Variants in SIGLEC5 observed in about 807,000 individuals in gnomAD.
SIGLEC5 encodes the protein sialic acid binding Ig like lectin 5.
Under a neutral mutation model 45.9 loss-of-function variants are expected in SIGLEC5, and 34 were observed. That is an observed-to-expected ratio of 0.74 (90% CI 0.56 to 0.99). SIGLEC5 has a LOEUF of 0.99. Ranked by LOEUF, SIGLEC5 falls within the 50% of genes least tolerant of loss-of-function variation. SIGLEC5 has a pLI of 0.00. For synonymous variants in SIGLEC5, 203 were observed against 258.6 expected, an observed-to-expected ratio of 0.79 and a Z score of 2.06; for missense variants, 508 against 629.6, an observed-to-expected ratio of 0.81 and a Z score of 2.07.
In SIGLEC5 at chr19:51,612,208, A is replaced by G. The variant is rs200862465; in HGVS notation, c.*23T>C. 3.3e-4 allele frequency: 513 copies of G among 1,560,352 alleles called. 1 individual carries two copies. Among genetic ancestry groups the G allele is most frequent in the South Asian group, 6.5e-4 (55 of 84,720 alleles). On this transcript the variant is annotated 3_prime_UTR_variant, in exon 9 of 9. Coordinates refer to ENST00000683636, the MANE Select transcript of SIGLEC5 (RefSeq NM_003830.4). ...CAGACAGGCTGTGGCTCCTCCAGCC[A>G]GGACTGAACTCTGGGCAAATCCTCA...
At position 51,627,258 on chromosome 19, in the gene SIGLEC5, A is replaced by G; in HGVS notation, c.1283-10T>C. ...CCGAGGTTCGATCTCCCTGCAGAAA[A>G]GAGGGGCGTGCAATAACTCACTCCC... On this transcript the variant is annotated splice_polypyrimidine_tract_variant and intron_variant, in intron 6 of 8. Transcript: ENST00000683636. 6.2e-7 allele frequency: 1 copy of G among 1,612,618 alleles called. No individual in the cohort carries two copies. Among genetic ancestry groups the G allele is most frequent in the Non-Finnish European group, 8.5e-7 (1 of 1,178,758 alleles).
chr19:51,622,373 T>G (rs1330020474), intron 8 of SIGLEC5, among the ~76,000 whole-genome samples: 1 of 150,844 alleles, frequency 6.6e-6, no homozygotes, highest in Non-Finnish European at 1.5e-5. Flanking sequence ...TCTCCTGACC[T>G]CGTGATCCAC....
intron 8 of SIGLEC5, among the ~76,000 whole-genome samples, chr19:51,617,269 A>AAG (rs760991280): frequency 1.4e-4 from 21 of 149,910 alleles, no homozygotes; most frequent in Admixed American, 6.6e-4. Context: ...AAAAAAAAAA[A>AAG]GTAGAAAAGG....
intron 8 of SIGLEC5, among the ~76,000 whole-genome samples, chr19:51,618,663 G>C (rs1380211908): frequency 6.6e-6 from 1 of 151,120 alleles, no homozygotes; most frequent in Non-Finnish European, 1.5e-5. Flanking sequence ...ATGGTGGCGG[G>C]CACCTGTAAT....
chr19:51,627,798 C>T (rs368099640), intron 5 of SIGLEC5, 36 bp downstream of exon 5: 1 of 1,576,536 alleles, frequency 6.3e-7, no homozygotes, highest in Non-Finnish European at 8.6e-7. Flanking sequence ...TTCTTTAATA[C>T]CATGCAGTTC....
chr19:51,625,445 G>C (rs1983441016), intron 8 of SIGLEC5, among the ~76,000 whole-genome samples: 1 of 152,250 alleles, frequency 6.6e-6, no homozygotes, highest in African/African-American at 2.4e-5. Context: ...TGGAATGAGA[G>C]ATGGAGGCAG....
chr19:51,614,965 CA>C (rs1040286789), intron 8 of SIGLEC5, among the ~76,000 whole-genome samples: 2 of 151,846 alleles, frequency 1.3e-5, no homozygotes, highest in African/African-American at 4.8e-5. Context: ...TAGGAGAAAA[CA>C]AAAAAACAGA....
chr19:51,620,501 T>C (rs948676000), intron 8 of SIGLEC5, among the ~76,000 whole-genome samples: 2 of 152,122 alleles, frequency 1.3e-5, no homozygotes, highest in African/African-American at 4.8e-5. Context: ...TGGTAACAGA[T>C]TAAGTAGGAA....
In SIGLEC5 at chr19:51,629,916, G is replaced by A. The variant is rs762434257; in HGVS notation, c.338C>T (p.Thr113Met). 6 of 1,123,954 alleles carry A rather than the reference G, an allele frequency of 5.3e-6. 1 individual carries two copies. The highest frequency in any genetic ancestry group is 2.4e-5 in the Admixed American group (1 of 40,824). 69.6% of individuals were successfully genotyped at this position (1,123,954 alleles called of 1,614,324 possible). A position where few individuals can be genotyped will look rare whatever the true frequency, so the allele number is the denominator to read the frequency against. Residue 113 changes from threonine (T) to methionine (M), a missense_variant, in exon 2 of 9, where the codon ACG becomes ATG. Thr to Met is a moderately conservative substitution (Grantham distance 81). Around this residue, in one of 2 missense-constraint regions of SIGLEC5, gnomAD observed 77 missense variants for 200.8 expected, o/e 0.38. Transcript: ENST00000683636. The stretch of plus-strand genomic sequence containing the variant: ...CTCCACGCGGAAGAAATAGCTTCCC[G>A]TGTCCTCCATTCTGGCATCTCCGAT... ...LSIGDARMEDTGSYFFRVERG... is the reference protein window; with the variant it reads ...LSIGDARMEDMGSYFFRVERG...
At chr19:51,629,166 C>T in intron 3 of SIGLEC5, 90 bp from the exon 4 acceptor site, 1 of 1,545,026 alleles carries the variant, frequency 6.5e-7, no homozygotes, top group Non-Finnish European at 8.9e-7. Flanking sequence ...CCACAGAAAC[C>T]CACCAAGCGG....
intron 8 of SIGLEC5, among the ~76,000 whole-genome samples, chr19:51,618,666 C>G (rs1983164271): frequency 6.6e-6 from 1 of 151,194 alleles, no homozygotes; most frequent in South Asian, 2.1e-4. Flanking sequence ...GTGGCGGGCA[C>G]CTGTAATCCC....
At position 51,627,672 on chromosome 19, in the gene SIGLEC5, G is replaced by C. The variant is rs8108074; in HGVS notation, c.1072C>G (p.Arg358Gly). ...CGCCAGCACAGGGAGGGGGCCGGCC[G>C]GGCTCGAAAGGAGCATCTGCAGTGC... ...GLHCRCSFRA[R>G]PAPSLCWRLE... Residue 358 changes from arginine to glycine, a missense_variant, in exon 6 of 9, where the codon CGG becomes GGG. Transcript: ENST00000683636. The C allele has an allele frequency of 1.9e-6, 3 of 1,609,314 alleles. No individual in the cohort carries two copies. The African/African-American group carries it at 4.0e-5, about 22-fold the overall frequency.
At chr19:51,626,684 T>C (rs1042039956) in intron 7 of SIGLEC5, among the ~76,000 whole-genome samples, 12 of 151,946 alleles carry the variant, frequency 7.9e-5, no homozygotes, top group African/African-American at 2.7e-4. Context: ...AGCTAAGGGG[T>C]GCAAGGTTTC....
At position 51,628,250 on chromosome 19, in the gene SIGLEC5, T is replaced by A. The variant is rs151287209; in HGVS notation, c.740-159A>T. ...GTTCAAAGGCTGGGCCTTTGCACAC[T>A]CAGGAAACTGACCAAAAGTGTCTGA... On this transcript the variant is annotated intron_variant, in intron 4 of 8. Transcript: ENST00000683636. Among the ~76,000 whole-genome samples the A allele has an allele frequency of 1.5e-4, 23 of 152,256 alleles. No homozygotes were observed. In the East Asian group the frequency reaches 4.4e-3, roughly 29 times the overall value.
At chr19:51,620,079 T>A (rs1983227110) in intron 8 of SIGLEC5, among the ~76,000 whole-genome samples, 1 of 127,308 alleles carries the variant, frequency 7.9e-6, no homozygotes, top group African/African-American at 2.8e-5. Context: ...ATATATAACT[T>A]AGGTGAAAGG....
At chr19:51,618,139 T>C (rs1008409235) in intron 8 of SIGLEC5, among the ~76,000 whole-genome samples, 6 of 151,236 alleles carry the variant, frequency 4.0e-5, no homozygotes, top group Admixed American at 4.0e-4. Flanking sequence ...AAATGAAATA[T>C]TGAAAAAGTG....
chr19:51,624,826 A>AT, intron 8 of SIGLEC5, among the ~76,000 whole-genome samples: 1 of 151,864 alleles, frequency 6.6e-6, no homozygotes, highest in South Asian at 2.1e-4. Context: ...AAAATTAGCC[A>AT]GGTGGTGCAT....
intron 8 of SIGLEC5, among the ~76,000 whole-genome samples, chr19:51,615,721 G>A (rs1983027961): frequency 6.6e-6 from 1 of 152,208 alleles, no homozygotes; most frequent in Non-Finnish European, 1.5e-5. Context: ...ATAGGAAGTG[G>A]GACTGGTTGG....
At chr19:51,613,833 TG>T (rs1262041368) in intron 8 of SIGLEC5, among the ~76,000 whole-genome samples, 5 of 152,008 alleles carry the variant, frequency 3.3e-5, no homozygotes, top group Non-Finnish European at 7.4e-5. Context: ...TTTCAGGTTC[TG>T]GGCACGTACA....
Sources: allele counts gnomAD v4.1 joint callset (sites outside exome capture counted in the v4.1 genomes callset), GRCh38; gene constraint gnomAD v4.1.1; regional missense constraint gnomAD v4.1.1; transcripts MANE v1.5; gene names NCBI Gene and HGNC (gene_info 2026-07-23, HGNC 2026-07-21).